The following MYO18A variants were observed in gnomAD, a reference collection of about 807,000 sequenced individuals.
MYO18A encodes myosin XVIIIA.
A neutral mutation model predicts 235.8 loss-of-function variants in MYO18A; 78 were observed. The ratio of observed to expected loss-of-function variants is 0.33; its 90% CI spans 0.28 to 0.40. The LOEUF (loss-of-function observed/expected upper bound fraction) is 0.40. Ranked by LOEUF, MYO18A falls within the 10% of genes least tolerant of loss-of-function variation. MYO18A has a pLI of 1.00. For synonymous variants in MYO18A, 977 were observed against 1,077.8 expected, an observed-to-expected ratio of 0.91 and a Z score of 1.83; for missense variants, 2,215 against 2,699.3, an observed-to-expected ratio of 0.82 and a Z score of 3.98.
At chr17:29,138,139 G>C (rs572527790) in intron 2 of MYO18A, among the ~76,000 whole-genome samples, 5 of 152,274 alleles carry the variant, frequency 3.3e-5, no homozygotes, top group African/African-American at 1.2e-4. Flanking sequence ...GGGCACAAAT[G>C]CTCCTGGGAG....
intron 2 of MYO18A, among the ~76,000 whole-genome samples, chr17:29,163,396 C>T (rs2068214943): frequency 1.3e-5 from 2 of 152,206 alleles, no homozygotes; most frequent in African/African-American, 2.4e-5. Context: ...AAGATATGGG[C>T]TTCTTTCAGC....
At position 29,157,645 on chromosome 17, in the gene MYO18A, G is replaced by A. The variant is rs148342103; in HGVS notation, c.999+8297C>T. Among the ~76,000 whole-genome samples, 5 of 152,316 alleles carry A rather than the reference G, an allele frequency of 3.3e-5. No homozygotes were observed. The East Asian group carries it at 7.7e-4, about 23-fold the overall frequency. Reference sequence around the variant, plus strand: ...AAACAGATTGTTATGATCCTTCAAAGGGTTGTTGAGAAAATTAAATAAGTG... The same window carrying A: ...AAACAGATTGTTATGATCCTTCAAAAGGTTGTTGAGAAAATTAAATAAGTG... On this transcript the variant is annotated intron_variant, in intron 2 of 41. Transcript: ENST00000527372.
At chr17:29,094,483 T>C (rs1213118528) in intron 30 of MYO18A, among the ~76,000 whole-genome samples, 167 bp downstream of exon 30, 2 of 152,272 alleles carry the variant, frequency 1.3e-5, no homozygotes, top group Non-Finnish European at 2.9e-5. Context: ...GTCTTCACAC[T>C]GTGGCTGGCA....
intron 19 of MYO18A, among the ~76,000 whole-genome samples, chr17:29,107,878 T>C (rs2066830982): frequency 7.0e-6 from 1 of 142,836 alleles, no homozygotes; most frequent in Admixed American, 7.3e-5. Flanking sequence ...ATCACACCAC[T>C]GCACTCCAGC....
intron 38 of MYO18A, 90 bp from the exon 39 acceptor site, chr17:29,086,667 TG>T: frequency 2.7e-6 from 4 of 1,493,852 alleles, no homozygotes; most frequent in Non-Finnish European, 3.6e-6. Flanking sequence ...TTTCCGGTCA[TG>T]GGGGTGCTAC....
chr17:29,095,102 G>C (rs2066489732), intron 28 of MYO18A, 43 bp from the exon 29 acceptor site: 1 of 1,490,650 alleles, frequency 6.7e-7, no homozygotes, highest in Non-Finnish European at 9.0e-7. Context: ...GGAAGAGCCA[G>C]GGTCCCCCAC....
At chr17:29,104,672 A>T (rs899534346) in intron 20 of MYO18A, among the ~76,000 whole-genome samples, 1 of 152,098 alleles carries the variant, frequency 6.6e-6, no homozygotes, top group African/African-American at 2.4e-5. Flanking sequence ...GATGGCCAGG[A>T]AGAGGGTGCA....
Position 29,128,292 on chromosome 17 carries a change from T to C in MYO18A, c.1000-6039A>G, listed in dbSNP as rs957103929. 4 of 1,193,770 alleles carry C rather than the reference T, an allele frequency of 3.4e-6. No individual in the cohort carries two copies. In the African/African-American group the frequency reaches 6.5e-5, roughly 19 times the overall value. 73.9% of individuals were successfully genotyped at this position (1,193,770 alleles called of 1,614,324 possible). A position where few individuals can be genotyped will look rare whatever the true frequency, so the allele number is the denominator to read the frequency against. On this transcript the variant is annotated intron_variant, in intron 2 of 41. Coordinates refer to ENST00000527372, the MANE Select transcript of MYO18A (RefSeq NM_078471.4). ...GGGGACTTGACTCCTCTGCCTGGGGTCTCCTTGGCATTCCCAAGCTCCTCG... is the reference window on the plus strand; with the variant it reads ...GGGGACTTGACTCCTCTGCCTGGGGCCTCCTTGGCATTCCCAAGCTCCTCG...
chr17:29,108,649 T>A (rs2066851792), intron 19 of MYO18A, among the ~76,000 whole-genome samples: 1 of 152,098 alleles, frequency 6.6e-6, no homozygotes, highest in African/African-American at 2.4e-5. Context: ...ACCCTCCAGC[T>A]GGGAGGTGAG....
chr17:29,091,828 G>T, intron 34 of MYO18A: 1 of 353,646 alleles, frequency 2.8e-6, no homozygotes. Flanking sequence ...GGAGCTGCCT[G>T]TACTGGCCGC....
In MYO18A at chr17:29,166,972, C is replaced by T; in HGVS notation, c.-32G>A. 6.7e-7 allele frequency: 1 copy of T among 1,500,748 alleles called. No individual in the cohort carries two copies. The highest frequency in any genetic ancestry group is 1.3e-5 in the South Asian group (1 of 75,062). 93.0% of individuals were successfully genotyped at this position (1,500,748 alleles called of 1,614,324 possible). A position where few individuals can be genotyped will look rare whatever the true frequency, so the allele number is the denominator to read the frequency against. ...GGTGCTGTTTGTAGGGGTAGCACCC[C>T]CAGAGGATTATGAGTGCTTAGCACA... On this transcript the variant is annotated 5_prime_UTR_variant, in exon 2 of 42. Transcript: ENST00000527372.
intron 2 of MYO18A, among the ~76,000 whole-genome samples, chr17:29,157,166 C>T (rs1216311286): frequency 6.6e-6 from 1 of 152,218 alleles, no homozygotes; most frequent in Admixed American, 6.5e-5. Context: ...CTCCTGGGGA[C>T]CACATCAAAT....
At chr17:29,105,191 A>G (rs2066753257) in intron 20 of MYO18A, among the ~76,000 whole-genome samples, 5 of 150,670 alleles carry the variant, frequency 3.3e-5, no homozygotes, top group African/African-American at 1.2e-4. Context: ...AAAAAAAAAA[A>G]AAAAAGAAAA....
At chr17:29,178,045 T>G (rs1598408518) in intron 1 of MYO18A, among the ~76,000 whole-genome samples, 1 of 152,214 alleles carries the variant, frequency 6.6e-6, no homozygotes, top group East Asian at 1.9e-4. Context: ...CACCTTTAGG[T>G]ACCTGCCTCT....
rs1211120338 is a variant in MYO18A at position 29,072,666 on chromosome 17, C to T, written c.*2104G>A. On this transcript the variant is annotated 3_prime_UTR_variant, in exon 42 of 42. Transcript: ENST00000527372. ...CATTCATTTTGGGGGAGACTTTTCTCCCTTCTTCCCTTTTGGACTCTTTCT... is the reference window on the plus strand; with the variant it reads ...CATTCATTTTGGGGGAGACTTTTCTTCCTTCTTCCCTTTTGGACTCTTTCT... 1 of 152,246 alleles carries T rather than the reference C, an allele frequency of 6.6e-6. No homozygotes were observed. The highest frequency in any genetic ancestry group is 1.5e-5 in the Non-Finnish European group (1 of 68,060). 9.4% of individuals were successfully genotyped at this position (152,246 alleles called of 1,614,324 possible).
intron 19 of MYO18A, chr17:29,107,709 G>C (rs368469336): frequency 6.5e-6 from 1 of 152,800 alleles, no homozygotes; most frequent in East Asian, 1.9e-4. Context: ...TTGAGGCCAG[G>C]AGTTTAGACA....
At chr17:29,113,200 G>A (rs1327441258) in intron 15 of MYO18A, among the ~76,000 whole-genome samples, 2 of 152,182 alleles carry the variant, frequency 1.3e-5, no homozygotes, top group Non-Finnish European at 2.9e-5. Flanking sequence ...TCCCCGGGGG[G>A]ATACTCACTC....
At chr17:29,108,264 G>A (rs572267186) in intron 19 of MYO18A, among the ~76,000 whole-genome samples, 1 of 152,256 alleles carries the variant, frequency 6.6e-6, no homozygotes, top group South Asian at 2.1e-4. Flanking sequence ...AAAAAGACTT[G>A]TAGATTCTCT....
At chr17:29,168,443 G>A (rs1350684707) in intron 1 of MYO18A, among the ~76,000 whole-genome samples, 1 of 150,738 alleles carries the variant, frequency 6.6e-6, no homozygotes, top group Non-Finnish European at 1.5e-5. Context: ...AATAGGCCAT[G>A]CCACCTAATT....
Sources: gnomAD v4.1 joint callset for allele counts (sites outside exome capture counted in the v4.1 genomes callset) on GRCh38, gnomAD v4.1.1 for gene constraint, MANE v1.5 for transcripts, NCBI Gene and HGNC (gene_info 2026-07-23, HGNC 2026-07-21) for gene names.